USP32: variants seen among roughly 807,000 people sequenced by gnomAD.
USP32 encodes the protein ubiquitin specific peptidase 32.
A neutral mutation model predicts 204.8 loss-of-function variants in USP32; 59 were observed. That is an observed-to-expected ratio of 0.29 (90% CI 0.23 to 0.36). The LOEUF (loss-of-function observed/expected upper bound fraction) is 0.36, where lower values mean the gene tolerates loss of function less well. USP32 is among the 10% of genes least tolerant of loss of function. The probability of loss-of-function intolerance (pLI) is 1.00; values close to 1 mark genes in which losing one functional copy is unlikely to be tolerated. For synonymous variants in USP32, 517 were observed against 678.4 expected (o/e 0.76, Z 3.70); for missense variants, 1,160 against 1,946.4 (o/e 0.60, Z 7.60).
In USP32 at chr17:60,373,443, ATTTT is replaced by A. The variant is rs138532417; in HGVS notation, c.58+18435_58+18438del. Among the ~76,000 whole-genome samples, 7 of 135,868 alleles carry A rather than the reference ATTTT, an allele frequency of 5.2e-5. No homozygotes were observed. In the South Asian group the frequency reaches 1.2e-3, roughly 22 times the overall value. The allele number at this position is 135,868 out of a possible 152,430, so 89.1% of individuals were successfully genotyped here. A position where few individuals can be genotyped will look rare whatever the true frequency, so the allele number is the denominator to read the frequency against. On this transcript the variant is annotated intron_variant, in intron 1 of 33. Coordinates refer to ENST00000300896, the MANE Select transcript of USP32 (RefSeq NM_032582.4). ...AATAAATTAATTTTAGCTTACTGTA[ATTTT>A]TTTTTTTTTTTTTTGAGACCAAGTC... is the stretch of plus-strand genomic sequence containing the variant.
At chr17:60,278,049 C>T (rs945227026) in intron 5 of USP32, among the ~76,000 whole-genome samples, 9 of 150,858 alleles carry the variant, frequency 6.0e-5, no homozygotes, top group African/African-American at 9.8e-5. Context: ...TGGGAATATA[C>T]GCATGTGCTA....
chr17:60,180,666 T>A (rs1303404724), intron 32 of USP32, 29 bp from the exon 33 acceptor site: 1 of 1,607,326 alleles, frequency 6.2e-7, no homozygotes, highest in Non-Finnish European at 8.5e-7. Context: ...TGGAGGTATG[T>A]TAGCAGTTAA....
chr17:60,256,322 A>C (rs1358360750), intron 9 of USP32, among the ~76,000 whole-genome samples: 1 of 152,218 alleles, frequency 6.6e-6, no homozygotes, highest in African/African-American at 2.4e-5. Context: ...GGGGTAGGCA[A>C]ATCACTAGAT....
chr17:60,235,890 G>C (rs539912179), intron 12 of USP32, among the ~76,000 whole-genome samples: 29 of 152,238 alleles, frequency 1.9e-4, no homozygotes, highest in African/African-American at 6.7e-4. Flanking sequence ...ACATATGCAG[G>C]TACCCCCGTA....
chr17:60,304,349 C>T (rs1311800189), intron 2 of USP32, among the ~76,000 whole-genome samples: 2 of 151,256 alleles, frequency 1.3e-5, no homozygotes, highest in East Asian at 3.9e-4. Flanking sequence ...ATTTTGCTTC[C>T]CTTTATTTTT....
At chr17:60,368,141 C>T (rs931221291) in intron 1 of USP32, among the ~76,000 whole-genome samples, 6 of 152,152 alleles carry the variant, frequency 3.9e-5, no homozygotes, top group African/African-American at 1.2e-4. Context: ...CCAGCAACAA[C>T]AACAAAACAA....
At chr17:60,408,989 A>T (rs1041380597) in intron 1 of USP32, among the ~76,000 whole-genome samples, 3 of 152,158 alleles carry the variant, frequency 2.0e-5, no homozygotes, top group African/African-American at 7.2e-5. Context: ...AACATGACCC[A>T]GACCCCAGCT....
chr17:60,234,966 T>C (rs554486353), intron 12 of USP32, among the ~76,000 whole-genome samples: 2 of 152,128 alleles, frequency 1.3e-5, no homozygotes, highest in Non-Finnish European at 1.5e-5. Context: ...GATTCTCCCA[T>C]GTATACCTCT....
At chr17:60,287,786 T>A (rs1023823839) in intron 5 of USP32, among the ~76,000 whole-genome samples, 10 of 152,074 alleles carry the variant, frequency 6.6e-5, no homozygotes, top group African/African-American at 2.4e-4. Flanking sequence ...TTTCTTTTTA[T>A]TACATTTTGA....
chr17:60,191,400 TAAAAAA>T (rs1158204624), intron 28 of USP32, among the ~76,000 whole-genome samples: 2,554 of 58,358 alleles, frequency 0.044, 185 homozygotes, highest in African/African-American at 0.13. Flanking sequence ...AGACTCTGTT[TAAAAAA>T]AAAAAAAAAA....
intron 1 of USP32, among the ~76,000 whole-genome samples, chr17:60,398,690 G>T (rs570830298): frequency 6.6e-6 from 1 of 152,100 alleles, no homozygotes; most frequent in African/African-American, 2.4e-5. Flanking sequence ...GCTAGGTACA[G>T]TGGCTGGCTC....
intron 18 of USP32, among the ~76,000 whole-genome samples, chr17:60,213,071 G>A (rs1329552561): frequency 3.3e-5 from 5 of 152,132 alleles, no homozygotes; most frequent in African/African-American, 1.2e-4. Flanking sequence ...TTAATACAAA[G>A]GCAGCTAACA....
At chr17:60,421,433 G>A (rs886899079) in intron 1 of USP32, 2 of 985,524 alleles carry the variant, frequency 2.0e-6, no homozygotes, top group East Asian at 1.1e-4. Flanking sequence ...GGGGAGGCCC[G>A]GGCCGACGGC....
At chr17:60,254,827 TA>T (rs985888683) in intron 10 of USP32, among the ~76,000 whole-genome samples, 11 of 152,134 alleles carry the variant, frequency 7.2e-5, no homozygotes, top group African/African-American at 1.2e-4. Flanking sequence ...TATTTTCTTT[TA>T]AAAAAATTCT....
intron 16 of USP32, among the ~76,000 whole-genome samples, chr17:60,215,044 T>C (rs1010634855): frequency 6.6e-6 from 1 of 152,170 alleles, no homozygotes; most frequent in African/African-American, 2.4e-5. Flanking sequence ...TTTGGCTCAC[T>C]GCAGCCTCCA....
rs371142691 is a variant in USP32, at chr17:60,389,913, A to G, written c.58+1969T>C. ...GCACCTATAGTCCCAGCTGCTGGGG[A>G]GGCTGAGGCAGGAGAATGGCGTGAA... is the stretch of plus-strand genomic sequence containing the variant. On this transcript the variant is annotated intron_variant, in intron 1 of 33. Coordinates refer to ENST00000300896, the MANE Select transcript of USP32 (RefSeq NM_032582.4). Among the ~76,000 whole-genome samples the G allele has an allele frequency of 3.5e-4, 53 of 151,968 alleles. 1 individual carries two copies. In the South Asian group the frequency reaches 0.011, roughly 31 times the overall value.
intron 5 of USP32, among the ~76,000 whole-genome samples, chr17:60,276,968 A>AT (rs1567821781): frequency 7.4e-6 from 1 of 134,292 alleles, no homozygotes; most frequent in Admixed American, 7.0e-5. Flanking sequence ...TATATATATA[A>AT]AATTACCAAA....
At chr17:60,310,963 T>C (rs140451644) in intron 2 of USP32, among the ~76,000 whole-genome samples, 5 of 152,092 alleles carry the variant, frequency 3.3e-5, no homozygotes, top group African/African-American at 1.2e-4. Context: ...CTCATGAAGA[T>C]GAGAGTAGAT....
rs2089277651 is a variant in USP32 at position 60,364,575 on chromosome 17, C to T, written c.59-18967G>A. 5.3e-5 allele frequency among the ~76,000 whole-genome samples: 8 copies of T among 152,310 alleles called. No individual in the cohort carries two copies. The South Asian group carries it at 1.7e-3, about 32-fold the overall frequency. ...TATTTTTAGTAGAGACAGGGTTTCA[C>T]CATGTTGGCCAGACTGGTCTCAAAC... On this transcript the variant is annotated intron_variant, in intron 1 of 33. Coordinates refer to ENST00000300896, the MANE Select transcript of USP32 (RefSeq NM_032582.4).
Sources: gnomAD v4.1 joint callset for allele counts (sites outside exome capture counted in the v4.1 genomes callset) on GRCh38, gnomAD v4.1.1 for gene constraint, MANE v1.5 for transcripts, NCBI Gene and HGNC (gene_info 2026-07-23, HGNC 2026-07-21) for gene names.